Variants in EYS observed in about 807,000 individuals in gnomAD.
EYS encodes the protein EGF-like photoreceptor maintenance factor.
Under a neutral mutation model 282.1 loss-of-function variants are expected in EYS, and 250 were observed. The ratio of observed to expected loss-of-function variants is 0.89; its 90% CI spans 0.80 to 0.98. The LOEUF (loss-of-function observed/expected upper bound fraction) is 0.98, where lower values mean the gene tolerates loss of function less well. Ranked by LOEUF, EYS falls within the 50% of genes least tolerant of loss-of-function variation. EYS has a pLI of 0.00. For synonymous variants in EYS, 1,355 were observed against 1,282.9 expected (o/e 1.06, Z -1.20); for missense variants, 4,016 against 3,709.0 (o/e 1.08, Z -2.15).
At chr6:65,099,784 C>T (rs983265006) in intron 12 of EYS, among the ~76,000 whole-genome samples, 2 of 150,708 alleles carry the variant, frequency 1.3e-5, no homozygotes, top group Non-Finnish European at 3.0e-5. Flanking sequence ...AAATATTGTA[C>T]ACCAACATAT....
intron 5 of EYS, among the ~76,000 whole-genome samples, chr6:65,478,266 G>C (rs923739326): frequency 6.6e-6 from 1 of 152,062 alleles, no homozygotes; most frequent in African/African-American, 2.4e-5. Flanking sequence ...TAGTTGATTA[G>C]AGCAAACGAC....
At chr6:64,904,217 G>C (rs1357718019) in intron 16 of EYS, among the ~76,000 whole-genome samples, 1 of 152,140 alleles carries the variant, frequency 6.6e-6, no homozygotes, top group African/African-American at 2.4e-5. Flanking sequence ...AGCAGACCAG[G>C]TAGTCTTCAG....
intron 2 of EYS, among the ~76,000 whole-genome samples, chr6:65,587,580 A>G (rs1012522796): frequency 2.0e-5 from 3 of 152,042 alleles, no homozygotes; most frequent in African/African-American, 7.2e-5. Context: ...CAGATCTGTG[A>G]GTCAATTAAA....
At chr6:64,195,812 C>T (rs548601900) in intron 31 of EYS, among the ~76,000 whole-genome samples, 1 of 152,236 alleles carries the variant, frequency 6.6e-6, no homozygotes, top group East Asian at 1.9e-4. Flanking sequence ...ATAAGGCACA[C>T]CTACTTTATG....
chr6:65,021,398 A>G (rs1044566955), intron 13 of EYS, among the ~76,000 whole-genome samples: 3 of 152,186 alleles, frequency 2.0e-5, no homozygotes, highest in Non-Finnish European at 4.4e-5. Flanking sequence ...CTAGTTCCCA[A>G]CAAGTTCCTC....
chr6:64,551,333 A>G (rs1765075468), intron 26 of EYS, among the ~76,000 whole-genome samples: 1 of 151,744 alleles, frequency 6.6e-6, no homozygotes, highest in Non-Finnish European at 1.5e-5. Context: ...CCAACAACCA[A>G]TTGTACAAGT....
chr6:63,882,455 C>G (rs1243676532), intron 35 of EYS, among the ~76,000 whole-genome samples: 8 of 152,172 alleles, frequency 5.3e-5, no homozygotes, highest in African/African-American at 1.9e-4. Context: ...TGCCATGCCT[C>G]GACCAGAGTT....
chr6:64,221,148 AT>A (rs1766088127), intron 31 of EYS, among the ~76,000 whole-genome samples: 1 of 152,166 alleles, frequency 6.6e-6, no homozygotes, highest in Admixed American at 6.6e-5. Context: ...ACAATGGTAA[AT>A]ATTAGCTGTT....
chr6:64,322,858 C>G (rs7769524), intron 29 of EYS, among the ~76,000 whole-genome samples: 1 of 151,792 alleles, frequency 6.6e-6, no homozygotes, highest in African/African-American at 2.4e-5. Flanking sequence ...ACAATGGAAC[C>G]AGAAAAGCCT....
At chr6:65,232,701 T>G in intron 12 of EYS, among the ~76,000 whole-genome samples, 1 of 152,138 alleles carries the variant, frequency 6.6e-6, no homozygotes, top group East Asian at 1.9e-4. Context: ...ACCTAATGCC[T>G]GTTTTCATTC....
intron 22 of EYS, among the ~76,000 whole-genome samples, chr6:64,643,650 G>A (rs1362486950): frequency 1.3e-5 from 2 of 152,132 alleles, no homozygotes; most frequent in South Asian, 2.1e-4. Flanking sequence ...ACATGTCATG[G>A]GAGGGACCCA....
intron 22 of EYS, among the ~76,000 whole-genome samples, chr6:64,688,047 ATC>A (rs755011341): frequency 2.6e-5 from 4 of 151,882 alleles, no homozygotes; most frequent in Non-Finnish European, 5.9e-5. Flanking sequence ...GGTAGTTTGT[ATC>A]TCTGTGGGAT....
At chr6:64,819,900 G>T (rs1439250298) in intron 21 of EYS, among the ~76,000 whole-genome samples, 1 of 151,964 alleles carries the variant, frequency 6.6e-6, no homozygotes, top group Non-Finnish European at 1.5e-5. Context: ...AGAACTATAA[G>T]TAGGCAAGGC....
intron 22 of EYS, among the ~76,000 whole-genome samples, chr6:64,702,035 CT>C (rs11439219): frequency 3.5e-4 from 52 of 150,378 alleles, no homozygotes; most frequent in African/African-American, 1.2e-3. Context: ...CATAAAATGC[CT>C]TTTTTTTTCT....
chr6:63,943,135 T>G (rs1765292780), intron 35 of EYS, among the ~76,000 whole-genome samples: 1 of 152,200 alleles, frequency 6.6e-6, no homozygotes, highest in Non-Finnish European at 1.5e-5. Context: ...GCATGGGGGT[T>G]GGCACCCCTA....
intron 30 of EYS, among the ~76,000 whole-genome samples, chr6:64,275,083 T>C (rs1053672279): frequency 6.6e-6 from 1 of 152,200 alleles, no homozygotes; most frequent in Non-Finnish European, 1.5e-5. Context: ...AATTGGTGAC[T>C]GGTAATGGGA....
At chr6:65,491,084 A>G (rs934065413) in intron 4 of EYS, among the ~76,000 whole-genome samples, 2 of 152,136 alleles carry the variant, frequency 1.3e-5, no homozygotes, top group African/African-American at 4.8e-5. Flanking sequence ...TGACACATTC[A>G]AATGTGTACT....
intron 2 of EYS, among the ~76,000 whole-genome samples, chr6:65,570,500 C>T (rs1764441914): frequency 2.0e-5 from 3 of 152,104 alleles, no homozygotes; most frequent in African/African-American, 7.2e-5. Context: ...TCTACTTCAC[C>T]CACTGTATGA....
At chr6:64,676,685 T>A (rs1033696087) in intron 22 of EYS, among the ~76,000 whole-genome samples, 2 of 152,124 alleles carry the variant, frequency 1.3e-5, no homozygotes, top group Non-Finnish European at 2.9e-5. Flanking sequence ...AATTCTTTTA[T>A]TACAGATCTG....
Sources: gnomAD v4.1 joint callset for allele counts (sites outside exome capture counted in the v4.1 genomes callset) on GRCh38, gnomAD v4.1.1 for gene constraint, MANE v1.5 for transcripts, NCBI Gene and HGNC (gene_info 2026-07-23, HGNC 2026-07-21) for gene names.